Variants in RANBP2 observed in about 807,000 individuals in gnomAD.
RANBP2 encodes RAN binding protein 2.
A neutral mutation model predicts 303.6 loss-of-function variants in RANBP2; 57 were observed. That is an observed-to-expected ratio of 0.19 (90% confidence interval 0.15 to 0.23). The LOEUF (loss-of-function observed/expected upper bound fraction) is 0.23. RANBP2 is among the 10% of genes least tolerant of loss of function. The pLI, the probability that RANBP2 is intolerant of heterozygous loss-of-function variation, is 1.00. For missense variants in RANBP2, 3,138 were observed against 3,780.8 expected (o/e 0.83, Z 4.46); for synonymous variants, 1,167 against 1,301.5 (o/e 0.90, Z 2.23).
the RANBP2 span, among the ~76,000 whole-genome samples, chr2:108,856,306 C>CTT: frequency 0.92 from 139,699 of 152,184 alleles, 64,191 homozygotes; most frequent in East Asian, 1. Flanking sequence ...CTGAAATTAT[C>CTT]TTGTTTCAGC....
At chr2:108,845,555 GCTTTC>G in the RANBP2 span, among the ~76,000 whole-genome samples, 5 of 146,024 alleles carry the variant, frequency 3.4e-5, no homozygotes, top group Non-Finnish European at 7.4e-5. Context: ...AGTTTGAAAT[GCTTTC>G]CTTTCATTTG....
the RANBP2 span, among the ~76,000 whole-genome samples, chr2:109,381,124 C>T: frequency 2.6e-5 from 4 of 152,168 alleles, no homozygotes; most frequent in Admixed American, 2.0e-4. Context: ...GGTCTGGATG[C>T]GACGATGGAA....
At chr2:109,353,518 C>G in the RANBP2 span, among the ~76,000 whole-genome samples, 4 of 152,168 alleles carry the variant, frequency 2.6e-5, no homozygotes, top group African/African-American at 7.2e-5. Context: ...CAACATAGGG[C>G]AGCAAGGGGC....
chr2:109,773,328 A>AG, the RANBP2 span, among the ~76,000 whole-genome samples: 8 of 143,730 alleles, frequency 5.6e-5, no homozygotes, highest in African/African-American at 2.2e-4. Flanking sequence ...AGTGAGGGTG[A>AG]AAGAATGGAT....
chr2:108,744,378 G>T (rs1384905884), intron 7 of RANBP2, among the ~76,000 whole-genome samples: 3 of 151,326 alleles, frequency 2.0e-5, no homozygotes, highest in Non-Finnish European at 4.4e-5. Flanking sequence ...CAGCACTGCA[G>T]CCTGGCGACA....
the RANBP2 span, among the ~76,000 whole-genome samples, chr2:108,908,559 AG>A: frequency 6.6e-6 from 1 of 152,034 alleles, no homozygotes; most frequent in South Asian, 2.1e-4. Flanking sequence ...TGTGCATTGC[AG>A]GGGGTGGCAC....
the RANBP2 span, among the ~76,000 whole-genome samples, chr2:109,201,673 C>T: frequency 6.6e-6 from 1 of 152,246 alleles, no homozygotes; most frequent in Non-Finnish European, 1.5e-5. Flanking sequence ...CTGCCCACTT[C>T]TCCAGCCCGT....
the RANBP2 span, among the ~76,000 whole-genome samples, chr2:109,174,897 T>C: frequency 6.6e-6 from 1 of 152,236 alleles, no homozygotes; most frequent in Non-Finnish European, 1.5e-5. Flanking sequence ...GATTCTCTTT[T>C]AGGCTTGTCT....
the RANBP2 span, among the ~76,000 whole-genome samples, chr2:108,923,194 AAC>A: frequency 2.0e-5 from 3 of 152,296 alleles, no homozygotes; most frequent in Admixed American, 6.5e-5. Flanking sequence ...AGATGTGGCA[AAC>A]ATCCCTCCCT....
the RANBP2 span, among the ~76,000 whole-genome samples, chr2:108,860,029 G>A: frequency 6.6e-6 from 1 of 152,050 alleles, no homozygotes; most frequent in Non-Finnish European, 1.5e-5. Flanking sequence ...TTCCTGGTTA[G>A]ATGTATTCCT....
At chr2:109,703,696 T>C in the RANBP2 span, among the ~76,000 whole-genome samples, 2 of 152,378 alleles carry the variant, frequency 1.3e-5, no homozygotes, top group African/African-American at 4.8e-5. Context: ...CCAAAAGTAC[T>C]GGGATTACAC....
the RANBP2 span, among the ~76,000 whole-genome samples, chr2:108,927,839 C>T: frequency 3.7e-4 from 56 of 152,302 alleles, no homozygotes; most frequent in African/African-American, 1.3e-3. Flanking sequence ...CTGTCTTCTG[C>T]AGCTGACAAA....
chr2:108,784,047 T>G lies in RANBP2; in HGVS notation c.*146T>G. 1.3e-6 allele frequency: 1 copy of G among 744,992 alleles called. No homozygotes were observed. Among genetic ancestry groups the G allele is most frequent in the Non-Finnish European group, 2.2e-6 (1 of 464,544 alleles). 46.1% of individuals were successfully genotyped at this position (744,992 alleles called of 1,614,324 possible). A position where few individuals can be genotyped will look rare whatever the true frequency, so the allele number is the denominator to read the frequency against. On this transcript the variant is annotated 3_prime_UTR_variant, in exon 29 of 29. Coordinates refer to ENST00000283195, the MANE Select transcript of RANBP2 (RefSeq NM_006267.5). ...ATTGCAGCTTATAGCTGTTGTCACTTTTTAATGTGTTATAATTGACCTTGC... is the reference window on the plus strand; with the variant it reads ...ATTGCAGCTTATAGCTGTTGTCACTGTTTAATGTGTTATAATTGACCTTGC...
the RANBP2 span, among the ~76,000 whole-genome samples, chr2:109,734,906 G>C: frequency 1.3e-5 from 2 of 151,852 alleles, no homozygotes; most frequent in Non-Finnish European, 2.9e-5. Context: ...CATGTTTATG[G>C]GGTACAGTGT....
the RANBP2 span, among the ~76,000 whole-genome samples, chr2:109,660,048 G>T: frequency 6.6e-6 from 1 of 152,192 alleles, no homozygotes; most frequent in Non-Finnish European, 1.5e-5. Context: ...AGGCCAATTT[G>T]TGCTTATTTC....
chr2:109,613,434 G>T, the RANBP2 span: 2 of 309,824 alleles, frequency 6.5e-6, no homozygotes, highest in African/African-American at 2.1e-5. Context: ...TGCAAAAGAT[G>T]ACCGCTATTC....
chr2:109,188,314 G>A, the RANBP2 span, among the ~76,000 whole-genome samples: 1 of 152,222 alleles, frequency 6.6e-6, no homozygotes, highest in East Asian at 1.9e-4. Flanking sequence ...GAAAATGGAA[G>A]CTGTCTGGCC....
the RANBP2 span, among the ~76,000 whole-genome samples, chr2:109,641,699 C>T: frequency 6.6e-6 from 1 of 152,214 alleles, no homozygotes; most frequent in Non-Finnish European, 1.5e-5. Context: ...CTGCATCTGG[C>T]TGATGTATCT....
the RANBP2 span, among the ~76,000 whole-genome samples, chr2:109,275,675 T>C: frequency 6.6e-6 from 1 of 152,182 alleles, no homozygotes; most frequent in African/African-American, 2.4e-5. Flanking sequence ...GTCTGGATGC[T>C]TGATTAGCGC....
Sources: gnomAD v4.1 joint callset for allele counts (sites outside exome capture counted in the v4.1 genomes callset) on GRCh38, gnomAD v4.1.1 for gene constraint, MANE v1.5 for transcripts, NCBI Gene and HGNC (gene_info 2026-07-23, HGNC 2026-07-21) for gene names.